CDH19: variants seen among roughly 807,000 people sequenced by gnomAD.
CDH19 encodes cadherin-19.
CDH19 carries 67 observed loss-of-function variants against 64.2 expected under a neutral mutation model. The ratio of observed to expected loss-of-function variants is 1.04; its 90% CI spans 0.86 to 1.28. CDH19 has a LOEUF of 1.28. CDH19 is among the 50% of genes most tolerant of loss of function. The pLI is 0.00. For missense variants in CDH19, 1,030 were observed against 929.0 expected (o/e 1.11, Z -1.41); for synonymous variants, 346 against 319.3 (o/e 1.08, Z -0.89).
At chr18:66,536,372 T>C (rs1423201526) in intron 7 of CDH19, among the ~76,000 whole-genome samples, 1 of 151,854 alleles carries the variant, frequency 6.6e-6, no homozygotes, top group Non-Finnish European at 1.5e-5. Flanking sequence ...CTGTACTCCA[T>C]TTAAAATATT....
Position 66,603,958 on chromosome 18 carries a change from G to C in CDH19, c.-117C>G, listed in dbSNP as rs1989098988. On this transcript the variant is annotated 5_prime_UTR_variant, in exon 1 of 12. Transcript: ENST00000262150. ...GCCTGATTATCACAGTCTTACCTTT[G>C]TAACTTCAACTTCTAGAAGTTCTGT... 1 of 152,008 alleles carries C rather than the reference G, an allele frequency of 6.6e-6. No homozygotes were observed. The allele number at this position is 152,008 out of a possible 1,614,324, so 9.4% of individuals were successfully genotyped here.
intron 7 of CDH19, among the ~76,000 whole-genome samples, chr18:66,537,271 C>G (rs181391494): frequency 6.6e-6 from 1 of 152,012 alleles, no homozygotes; most frequent in East Asian, 1.9e-4. Flanking sequence ...ATGTTCTTGT[C>G]TCTCAAGACC....
rs1264638932 is a variant in CDH19, at chr18:66,501,904, C to A, written c.*2908G>T. ...TCAAGCACATGCACTGAGGGAACAA[C>A]TAGCAGTTCGCTAGTCCTAATTTTC... On this transcript the variant is annotated 3_prime_UTR_variant, in exon 12 of 12. Coordinates refer to ENST00000262150, the MANE Select transcript of CDH19 (RefSeq NM_021153.4). 1 of 152,038 alleles carries A rather than the reference C, an allele frequency of 6.6e-6. No homozygotes were observed. Among genetic ancestry groups the A allele is most frequent in the African/African-American group, 2.4e-5 (1 of 41,436 alleles). The allele number at this position is 152,038 out of a possible 1,614,324, so 9.4% of individuals were successfully genotyped here. A position where few individuals can be genotyped will look rare whatever the true frequency, so the allele number is the denominator to read the frequency against.
chr18:66,544,739 C>T lies in CDH19; in HGVS notation c.940G>A (p.Gly314Arg), dbSNP rs767929716. 2.1e-5 allele frequency: 33 copies of T among 1,605,464 alleles called. No individual in the cohort carries two copies. The highest frequency in any genetic ancestry group is 1.7e-4 in the Middle Eastern group (1 of 6,060). ...TCTACCTTTTTTAATATAACTATTC[C>T]TTCTTGAGTTTCATGATTAGTAATA... Reference protein sequence around the residue: ...DIITNHETQEGIVILKKKVDF... With the variant: ...DIITNHETQERIVILKKKVDF... The change falls in exon 6 of 12, where the codon GGA becomes AGA. Residue 314 changes from glycine (G) to arginine (R), a missense_variant. Coordinates refer to ENST00000262150, the MANE Select transcript of CDH19 (RefSeq NM_021153.4).
intron 4 of CDH19, 43 bp downstream of exon 4, chr18:66,554,362 C>T: frequency 6.2e-7 from 1 of 1,602,274 alleles, no homozygotes; most frequent in Non-Finnish European, 8.5e-7. Context: ...CAATTGCCTT[C>T]TTTAGAATCA....
At chr18:66,589,210 A>T (rs1027562973) in intron 1 of CDH19, among the ~76,000 whole-genome samples, 4 of 150,858 alleles carry the variant, frequency 2.7e-5, no homozygotes, top group African/African-American at 9.7e-5. Flanking sequence ...CGTAAATTAT[A>T]TTTGACAAAT....
chr18:66,517,651 A>G (rs1985796010), intron 9 of CDH19, among the ~76,000 whole-genome samples: 1 of 152,028 alleles, frequency 6.6e-6, no homozygotes, highest in African/African-American at 2.4e-5. Flanking sequence ...TCAATTTATT[A>G]TCCATCCAAA....
intron 9 of CDH19, among the ~76,000 whole-genome samples, chr18:66,520,945 A>G (rs1167360601): frequency 6.6e-6 from 1 of 152,054 alleles, no homozygotes; most frequent in East Asian, 1.9e-4. Context: ...TTGAAAGATC[A>G]CTTTTCTTTT....
rs1984930102 is a variant in CDH19, at chr18:66,501,326, C to T, written c.*3486G>A. 6.6e-6 allele frequency: 1 copy of T among 152,026 alleles called. No individual in the cohort carries two copies. Among genetic ancestry groups the T allele is most frequent in the Non-Finnish European group, 1.5e-5 (1 of 68,010 alleles). 9.4% of individuals were successfully genotyped at this position (152,026 alleles called of 1,614,324 possible). On this transcript the variant is annotated 3_prime_UTR_variant, in exon 12 of 12. Transcript: ENST00000262150. The stretch of plus-strand genomic sequence containing the variant: ...TAAGCGATAAAGACAACAATAATAC[C>T]AGGGAGCTGAGTAATCTAATACAAA...
intron 3 of CDH19, among the ~76,000 whole-genome samples, chr18:66,560,930 A>G (rs1218937791): frequency 6.6e-6 from 1 of 152,126 alleles, no homozygotes; most frequent in Non-Finnish European, 1.5e-5. Context: ...ATTTCTAACA[A>G]AAGACAAATA....
At position 66,509,444 on chromosome 18, in the gene CDH19, T is replaced by A. The variant is rs577212452; in HGVS notation, c.1577-198A>T. On this transcript the variant is annotated intron_variant, in intron 10 of 11. Transcript: ENST00000262150. ...TGTTTTGACATTACCTAAACCCTAATTATGTAATCAGATGAATTATTTAAA... is the reference window on the plus strand; with the variant it reads ...TGTTTTGACATTACCTAAACCCTAAATATGTAATCAGATGAATTATTTAAA... 5.3e-5 allele frequency among the ~76,000 whole-genome samples: 8 copies of A among 151,958 alleles called. No homozygotes were observed. In the South Asian group the frequency reaches 1.4e-3, roughly 28 times the overall value.
intron 5 of CDH19, 82 bp downstream of exon 5, chr18:66,551,012 A>T: frequency 2.9e-6 from 2 of 694,054 alleles, no homozygotes; most frequent in Non-Finnish European, 4.6e-6. Context: ...TAGTGCTTTT[A>T]GAATGAAAAC....
At chr18:66,542,792 G>A (rs1228418677) in intron 7 of CDH19, among the ~76,000 whole-genome samples, 1 of 151,986 alleles carries the variant, frequency 6.6e-6, no homozygotes, top group Non-Finnish European at 1.5e-5. Flanking sequence ...CATGAATCCT[G>A]TTGTGAACTG....
chr18:66,521,688 A>T (rs1227521476), intron 9 of CDH19, among the ~76,000 whole-genome samples: 1 of 150,870 alleles, frequency 6.6e-6, no homozygotes, highest in Non-Finnish European at 1.5e-5. Context: ...GGCATTAATC[A>T]CCATGCCCAG....
chr18:66,526,163 G>C (rs919738231), intron 9 of CDH19, among the ~76,000 whole-genome samples: 1 of 152,004 alleles, frequency 6.6e-6, no homozygotes, highest in Non-Finnish European at 1.5e-5. Context: ...ATCATTCTTG[G>C]AGACAGACAT....
chr18:66,524,562 ATATATAT>A (rs1568177993), intron 9 of CDH19, among the ~76,000 whole-genome samples: 20 of 142,216 alleles, frequency 1.4e-4, no homozygotes, highest in African/African-American at 3.5e-4. Context: ...ATATATATAT[ATATATAT>A]AAACATCATC....
intron 7 of CDH19, among the ~76,000 whole-genome samples, chr18:66,539,065 G>A (rs1986787474): frequency 6.6e-6 from 1 of 152,114 alleles, no homozygotes; most frequent in South Asian, 2.1e-4. Flanking sequence ...TTTATTCCTG[G>A]GTAAATGCTT....
At position 66,547,731 on chromosome 18, in the gene CDH19, G is replaced by C. The variant is rs868133711; in HGVS notation, c.776-2828C>G. On this transcript the variant is annotated intron_variant, in intron 5 of 11. Transcript: ENST00000262150. ...CGCCCAGGCTGGAGTGCAGTGGCGG[G>C]ATCTCGGCTCACTGCAAGCTCCGCC... 7.2e-3 allele frequency among the ~76,000 whole-genome samples: 997 copies of C among 138,328 alleles called. 37 individuals are homozygous for C. Among genetic ancestry groups the C allele is most frequent in the African/African-American group, 0.028 (963 of 34,438 alleles). The allele number at this position is 138,328 out of a possible 152,430, so 90.7% of individuals were successfully genotyped here. A position where few individuals can be genotyped will look rare whatever the true frequency, so the allele number is the denominator to read the frequency against.
intron 1 of CDH19, among the ~76,000 whole-genome samples, chr18:66,588,743 A>C (rs72936262): frequency 6.6e-6 from 1 of 150,842 alleles, no homozygotes; most frequent in Non-Finnish European, 1.5e-5. Flanking sequence ...TAGGGACTAA[A>C]CTCTCCTTTA....
Sources: allele counts gnomAD v4.1 joint callset (sites outside exome capture counted in the v4.1 genomes callset), GRCh38; gene constraint gnomAD v4.1.1; transcripts MANE v1.5; gene names NCBI Gene and HGNC (gene_info 2026-07-23, HGNC 2026-07-21).